The following KCNA6 variants were observed in gnomAD, a reference collection of about 807,000 sequenced individuals.
KCNA6 encodes the protein human brain potassium channel-2.
Under a neutral mutation model 29.5 loss-of-function variants are expected in KCNA6, and 17 were observed. The observed-to-expected ratio is 0.58, with a 90% CI of 0.39 to 0.86. The LOEUF (loss-of-function observed/expected upper bound fraction) is 0.86. KCNA6 is among the 40% of genes least tolerant of loss of function. The probability of loss-of-function intolerance (pLI) is 0.00; values close to 1 mark genes in which losing one functional copy is unlikely to be tolerated. For synonymous variants in KCNA6, 296 were observed against 304.7 expected, an observed-to-expected ratio of 0.97 and a Z score of 0.30; for missense variants, 450 against 703.4, an observed-to-expected ratio of 0.64 and a Z score of 4.07.
chr12:4,848,497 A>G, the KCNA6 span, among the ~76,000 whole-genome samples: 1 of 141,236 alleles, frequency 7.1e-6, no homozygotes, highest in Non-Finnish European at 1.5e-5. Flanking sequence ...TTATTTTTGT[A>G]GGGTTTCAGG....
At chr12:4,839,753 T>C in the KCNA6 span, among the ~76,000 whole-genome samples, 1 of 152,312 alleles carries the variant, frequency 6.6e-6, no homozygotes, top group Middle Eastern at 3.4e-3. Context: ...ATAATAATAG[T>C]CATAGCTAGC....
At chr12:4,844,204 T>C in the KCNA6 span, among the ~76,000 whole-genome samples, 2 of 152,200 alleles carry the variant, frequency 1.3e-5, no homozygotes, top group African/African-American at 2.4e-5. The surrounding 1 kb of genome is among the most constrained non-coding windows in gnomAD (Gnocchi z 4.0). Context: ...TGGATACATG[T>C]AGCAAACAGA....
downstream of KCNA6, chr12:4,813,994 A>G (rs954474437): frequency 6.0e-6 from 1 of 167,044 alleles, no homozygotes; most frequent in Non-Finnish European, 1.5e-5. Context: ...TGCTTTGGGC[A>G]TCAAGGGAGA....
At chr12:4,818,917 CACAT>C in the KCNA6 span, among the ~76,000 whole-genome samples, 18 of 152,000 alleles carry the variant, frequency 1.2e-4, no homozygotes, top group Non-Finnish European at 1.9e-4. Flanking sequence ...TACATACATA[CACAT>C]ACATACATAC....
chr12:4,849,857 C>T, the KCNA6 span, among the ~76,000 whole-genome samples: 37 of 152,328 alleles, frequency 2.4e-4, no homozygotes, highest in African/African-American at 6.7e-4. Context: ...TCGTTGCTTC[C>T]GTTTCACGTG....
chr12:4,847,088 C>A, the KCNA6 span, among the ~76,000 whole-genome samples: 1 of 151,966 alleles, frequency 6.6e-6, no homozygotes, highest in Admixed American at 6.6e-5. Flanking sequence ...CCAGCCGGAA[C>A]ACCTCTTTAT....
chr12:4,818,690 T>G, the KCNA6 span, among the ~76,000 whole-genome samples: 1 of 152,108 alleles, frequency 6.6e-6, no homozygotes, highest in Admixed American at 6.6e-5. Flanking sequence ...CAGAATGGAA[T>G]GCAGTGAGGG....
the KCNA6 span, among the ~76,000 whole-genome samples, chr12:4,818,988 A>G: frequency 1.3e-5 from 2 of 152,148 alleles, no homozygotes; most frequent in Non-Finnish European, 2.9e-5. Flanking sequence ...CCACATATAC[A>G]CACACGTATA....
chr12:4,814,363 C>G (rs980108752), downstream of KCNA6: 1 of 167,074 alleles, frequency 6.0e-6, no homozygotes, highest in Non-Finnish European at 1.5e-5. This position sits in a 1 kb window ranked among gnomAD's most constrained non-coding sequence, Gnocchi z 4.6. Context: ...TTCCCATCTC[C>G]GCAGAGGCAG....
At chr12:4,819,729 T>A in the KCNA6 span, among the ~76,000 whole-genome samples, 1 of 152,236 alleles carries the variant, frequency 6.6e-6, no homozygotes, top group East Asian at 1.9e-4. Context: ...GTGACGTGGC[T>A]GCCCTCATGG....
the KCNA6 span, among the ~76,000 whole-genome samples, chr12:4,830,919 C>T: frequency 3.3e-5 from 5 of 152,226 alleles, no homozygotes; most frequent in African/African-American, 1.2e-4. Flanking sequence ...GAAGCCACCC[C>T]CTAGCAGACT....
chr12:4,834,382 A>G, the KCNA6 span, among the ~76,000 whole-genome samples: 1 of 152,118 alleles, frequency 6.6e-6, no homozygotes, highest in Non-Finnish European at 1.5e-5. Context: ...GTACCCACTT[A>G]TTTTTTTAAA....
At chr12:4,836,044 A>T in the KCNA6 span, among the ~76,000 whole-genome samples, 1 of 147,844 alleles carries the variant, frequency 6.8e-6, no homozygotes, top group African/African-American at 2.5e-5. Flanking sequence ...GGTTCAAGTG[A>T]TTCTCCTGCC....
At chr12:4,815,730 A>C (rs1483170404), downstream of KCNA6, among the ~76,000 whole-genome samples, 4 of 152,224 alleles carry the variant, frequency 2.6e-5, no homozygotes, top group African/African-American at 9.6e-5. Context: ...AAGGCAGAAC[A>C]AAAGGAAAGG....
At chr12:4,848,514 C>CA in the KCNA6 span, among the ~76,000 whole-genome samples, 2,850 of 144,876 alleles carry the variant, frequency 0.02, 77 homozygotes, top group African/African-American at 0.055. Context: ...CAGGAGGGAG[C>CA]AAAAAAAAAA....
chr12:4,828,924 T>A, the KCNA6 span, among the ~76,000 whole-genome samples: 1 of 152,230 alleles, frequency 6.6e-6, no homozygotes, highest in Non-Finnish European at 1.5e-5. Context: ...TGCAGTTGCC[T>A]GATAAGAGTT....
the KCNA6 span, among the ~76,000 whole-genome samples, chr12:4,833,306 T>A: frequency 6.6e-6 from 1 of 152,180 alleles, no homozygotes; most frequent in African/African-American, 2.4e-5. Context: ...TGATCCCTCA[T>A]GCATCTGTGG....
chr12:4,840,254 G>A, the KCNA6 span, among the ~76,000 whole-genome samples: 5 of 147,950 alleles, frequency 3.4e-5, no homozygotes, highest in Non-Finnish European at 7.5e-5. Flanking sequence ...TCCTCTTAAA[G>A]ATAAAGTGAC....
the KCNA6 span, among the ~76,000 whole-genome samples, chr12:4,831,860 C>A: frequency 7.9e-5 from 12 of 151,968 alleles, no homozygotes; most frequent in African/African-American, 2.2e-4. Context: ...CCTGGCTCTC[C>A]GAGTCACTAG....
Sources: gnomAD v4.1 joint callset for allele counts (sites outside exome capture counted in the v4.1 genomes callset) on GRCh38, gnomAD v4.1.1 for gene constraint, Gnocchi (gnomAD v3.1) non-coding constraint, MANE v1.5 for transcripts, NCBI Gene and HGNC (gene_info 2026-07-23, HGNC 2026-07-21) for gene names.